The following CUBN variants were observed in gnomAD, a reference collection of about 807,000 sequenced individuals.
CUBN encodes the protein cubilin.
Under a neutral mutation model 405.3 loss-of-function variants are expected in CUBN, and 282 were observed. The observed-to-expected ratio is 0.70, with a 90% CI of 0.63 to 0.77. The LOEUF is 0.77. Ranked by LOEUF, CUBN falls within the 30% of genes least tolerant of loss-of-function variation. The pLI is 0.00. For missense variants in CUBN, 4,514 were observed against 4,475.2 expected (o/e 1.01, Z -0.25); for synonymous variants, 1,684 against 1,617.0 (o/e 1.04, Z -0.99).
At chr10:16,895,768 T>G (rs764431988) in intron 54 of CUBN, among the ~76,000 whole-genome samples, 2 of 152,208 alleles carry the variant, frequency 1.3e-5, no homozygotes, top group Non-Finnish European at 2.9e-5. Context: ...TTACTTTTCA[T>G]GTACCTACGT....
chr10:17,037,789 C>T (rs1834930668), intron 27 of CUBN, among the ~76,000 whole-genome samples: 1 of 152,188 alleles, frequency 6.6e-6, no homozygotes, highest in Non-Finnish European at 1.5e-5. Flanking sequence ...TCAGTCTACA[C>T]TCACTCTCCT....
intron 29 of CUBN, 62 bp downstream of exon 29, chr10:16,990,272 G>A: frequency 6.8e-7 from 1 of 1,472,484 alleles, no homozygotes; most frequent in Non-Finnish European, 9.5e-7. Flanking sequence ...AATCTTGGCA[G>A]AGTGATTTCC....
intron 31 of CUBN, among the ~76,000 whole-genome samples, chr10:16,980,993 G>C (rs1833254131): frequency 6.6e-6 from 1 of 152,080 alleles, no homozygotes; most frequent in Non-Finnish European, 1.5e-5. Flanking sequence ...TGGTAGTAGT[G>C]ATGGGCCAGA....
intron 31 of CUBN, among the ~76,000 whole-genome samples, chr10:16,981,977 T>C (rs1287674502): frequency 2.6e-5 from 4 of 152,238 alleles, no homozygotes; most frequent in East Asian, 3.8e-4. Context: ...AAATCCCAGA[T>C]GCTTAATAAT....
At chr10:16,833,192 C>T (rs1839060293) in intron 64 of CUBN, among the ~76,000 whole-genome samples, 1 of 152,176 alleles carries the variant, frequency 6.6e-6, no homozygotes. Context: ...GGGATTATTC[C>T]ATCTTTCCTC....
intron 37 of CUBN, among the ~76,000 whole-genome samples, chr10:16,939,455 T>C (rs1186458571): frequency 2.0e-5 from 3 of 152,180 alleles, no homozygotes; most frequent in African/African-American, 7.2e-5. Context: ...CTAATTTTGG[T>C]TTATCTATTT....
At chr10:17,100,631 T>G (rs533231574) in intron 13 of CUBN, among the ~76,000 whole-genome samples, 1 of 152,194 alleles carries the variant, frequency 6.6e-6, no homozygotes, top group Non-Finnish European at 1.5e-5. Flanking sequence ...TTCACAAGAA[T>G]GTACACCCTA....
intron 27 of CUBN, among the ~76,000 whole-genome samples, chr10:17,020,411 C>T (rs370915118): frequency 1.3e-5 from 2 of 152,022 alleles, no homozygotes; most frequent in East Asian, 1.9e-4. Flanking sequence ...TTATAGGGTA[C>T]ATGAGATACT....
chr10:16,960,113 T>C (rs940699795), intron 31 of CUBN, among the ~76,000 whole-genome samples: 1 of 152,252 alleles, frequency 6.6e-6, no homozygotes, highest in African/African-American at 2.4e-5. Context: ...GGAGTGGTCA[T>C]TTAATTTCTA....
At chr10:16,988,664 T>A (rs1833495911) in intron 29 of CUBN, among the ~76,000 whole-genome samples, 1 of 152,206 alleles carries the variant, frequency 6.6e-6, no homozygotes, top group Admixed American at 6.5e-5. Flanking sequence ...CCATTTCTTT[T>A]CAAGGTAAGA....
chr10:17,032,752 G>C (rs1182871435), intron 27 of CUBN, among the ~76,000 whole-genome samples: 1 of 152,172 alleles, frequency 6.6e-6, no homozygotes, highest in Non-Finnish European at 1.5e-5. Flanking sequence ...GTTTTCCTCA[G>C]AATGTTCTAT....
intron 27 of CUBN, among the ~76,000 whole-genome samples, chr10:17,037,137 G>T (rs1206805873): frequency 1.3e-5 from 2 of 152,186 alleles, no homozygotes; most frequent in African/African-American, 2.4e-5. Flanking sequence ...TTTGAATAGT[G>T]CTATTCCAAA....
At position 16,915,805 on chromosome 10, in the gene CUBN, G is replaced by T. The variant is rs1453108205; in HGVS notation, c.7210+16C>A. On this transcript the variant is annotated intron_variant, in intron 46 of 66. Transcript: ENST00000377833. ...GAAAATAAACACCCAAAAGAGAGCA[G>T]ATATATTTTACTAACCAGAGGTATG... is the stretch of plus-strand genomic sequence containing the variant. The T allele has an allele frequency of 3.8e-6, 6 of 1,594,244 alleles. No homozygotes were observed. The highest frequency in any genetic ancestry group is 3.4e-6 in the Non-Finnish European group (4 of 1,163,566).
intron 22 of CUBN, among the ~76,000 whole-genome samples, chr10:17,064,883 T>C (rs758157190): frequency 3.9e-5 from 6 of 152,320 alleles, no homozygotes; most frequent in South Asian, 2.1e-4. Flanking sequence ...TTAGGTCAAA[T>C]TGAGAAATGC....
chr10:17,127,628 G>A (rs1279379968), intron 3 of CUBN, among the ~76,000 whole-genome samples: 2 of 152,012 alleles, frequency 1.3e-5, no homozygotes, highest in Non-Finnish European at 2.9e-5. Context: ...TCTGCAACAA[G>A]TGCTTGCACA....
chr10:17,071,961 C>G lies in CUBN; in HGVS notation c.2312G>C (p.Gly771Ala). Reference protein sequence around the residue: ...SSQNYIEVRDGETLLGKVCGN... With the variant: ...SSQNYIEVRDAETLLGKVCGN... The stretch of plus-strand genomic sequence containing the variant: ...ACAGACTTTTCCAAGTAAGGTTTCA[C>G]CATCTCGAACCTAAAGAGAAAAATA... The change falls in exon 18 of 67, where the codon GGT becomes GCT. Residue 771 changes from glycine to alanine, a missense_variant. Physicochemically the swap from Gly to Ala is moderately conservative, Grantham distance 60. Transcript: ENST00000377833. The G allele has an allele frequency of 1.2e-6, 2 of 1,611,668 alleles. No individual in the cohort carries two copies. Among genetic ancestry groups the G allele is most frequent in the Non-Finnish European group, 1.7e-6 (2 of 1,178,870 alleles).
intron 21 of CUBN, among the ~76,000 whole-genome samples, chr10:17,066,526 G>C (rs1180028285): frequency 6.6e-6 from 1 of 152,008 alleles, no homozygotes. Flanking sequence ...TAATACCATT[G>C]CAGTGTGAAA....
rs1200123747 is a variant in CUBN, at chr10:16,931,145, T to C, written c.6124+1942A>G. 3.3e-5 allele frequency among the ~76,000 whole-genome samples: 5 copies of C among 151,128 alleles called. No homozygotes were observed. In the East Asian group the frequency reaches 9.7e-4, roughly 29 times the overall value. On this transcript the variant is annotated intron_variant, in intron 40 of 66. Transcript: ENST00000377833. ...TGAGTGCGGTGGCGGGTGCCTATAG[T>C]CCCAGCTATTAGGGAGGCTGAGGCA...
chr10:17,072,965 C>T (rs994492732), intron 17 of CUBN, among the ~76,000 whole-genome samples: 2 of 151,954 alleles, frequency 1.3e-5, no homozygotes, highest in African/African-American at 4.8e-5. Context: ...CCCATCCCAC[C>T]CTCAACCCCC....
Sources: allele counts gnomAD v4.1 joint callset (sites outside exome capture counted in the v4.1 genomes callset), GRCh38; gene constraint gnomAD v4.1.1; transcripts MANE v1.5; gene names NCBI Gene and HGNC (gene_info 2026-07-23, HGNC 2026-07-21).